JDP2: variants seen among roughly 807,000 people sequenced by gnomAD.
The protein encoded by JDP2 is progesterone receptor co-activator.
Under a neutral mutation model 17.1 loss-of-function variants are expected in JDP2, and 9 were observed. The ratio of observed to expected loss-of-function variants is 0.53; its 90% CI spans 0.32 to 0.92. JDP2 has a LOEUF of 0.92. Among genes scored for constraint, JDP2 ranks in the 40% least tolerant of loss-of-function variants. The pLI, the probability that JDP2 is intolerant of heterozygous loss-of-function variation, is 0.04. For missense variants in JDP2, 179 were observed against 220.0 expected (o/e 0.81, Z 1.18); for synonymous variants, 107 against 95.6 (o/e 1.12, Z -0.69).
chr14:75,442,181 C>A (rs1249638854), intron 2 of JDP2, among the ~76,000 whole-genome samples: 1 of 152,116 alleles, frequency 6.6e-6, no homozygotes, highest in African/African-American at 2.4e-5. Context: ...CTTTTTCTTT[C>A]TTTTTTAACA....
intron 2 of JDP2, among the ~76,000 whole-genome samples, chr14:75,440,121 G>A (rs1043389732): frequency 5.3e-5 from 8 of 152,120 alleles, no homozygotes; most frequent in Non-Finnish European, 8.8e-5. Flanking sequence ...CCCTGTACCC[G>A]ACAGTGACGT....
At chr14:75,429,660 A>G (rs1448556053) in intron 1 of JDP2, among the ~76,000 whole-genome samples, 3 of 152,198 alleles carry the variant, frequency 2.0e-5, no homozygotes, top group Non-Finnish European at 2.9e-5. Context: ...TTAACCAGGT[A>G]TCAGGTGTGA....
intron 2 of JDP2, among the ~76,000 whole-genome samples, chr14:75,460,318 CT>C (rs1256945217): frequency 6.6e-6 from 1 of 152,154 alleles, no homozygotes; most frequent in African/African-American, 2.4e-5. Flanking sequence ...GGTGGGCATC[CT>C]GGGGGAAAGG....
rs1438802776 is a variant in JDP2, at chr14:75,428,756, AC to A, written c.-24+507del. 6.6e-6 allele frequency: 1 copy of A among 152,278 alleles called. No individual in the cohort carries two copies. The highest frequency in any genetic ancestry group is 6.5e-5 in the Admixed American group (1 of 15,272). 9.4% of individuals were successfully genotyped at this position (152,278 alleles called of 1,614,324 possible). A position where few individuals can be genotyped will look rare whatever the true frequency, so the allele number is the denominator to read the frequency against. ...AGTGAGGAAGCGCGACTCCCGGAGG[AC>A]CCGGACCCGGAGGAGAGTATTGAGA... On this transcript the variant is annotated intron_variant, in intron 1 of 3. Transcript: ENST00000651602. The surrounding 1 kb of genome is among the most constrained non-coding windows in gnomAD (Gnocchi z 5.6).
At chr14:75,453,171 T>G (rs1433508532) in intron 2 of JDP2, among the ~76,000 whole-genome samples, 74 of 129,768 alleles carry the variant, frequency 5.7e-4, no homozygotes, top group African/African-American at 8.6e-4. Flanking sequence ...TGATGGGGGG[T>G]GGGGGAGTGG....
At chr14:75,466,556 C>T (rs1159291743) in intron 3 of JDP2, among the ~76,000 whole-genome samples, 2 of 152,212 alleles carry the variant, frequency 1.3e-5, no homozygotes, top group Non-Finnish European at 2.9e-5. Context: ...TGTATGATAG[C>T]TGCATGAGTA....
chr14:75,432,082 C>T (rs566023755), intron 1 of JDP2: 6 of 569,288 alleles, frequency 1.1e-5, no homozygotes, highest in South Asian at 2.2e-5. Flanking sequence ...GCTCCAAAAC[C>T]GCCACTCTTA....
chr14:75,469,903 T>A lies in JDP2; in HGVS notation c.*428T>A, dbSNP rs1040340465. On this transcript the variant is annotated 3_prime_UTR_variant, in exon 4 of 4. Transcript: ENST00000651602. ...ACGCGGCTGAGGATGGAACTCAGAATGAAACTGCAACCCACCTGCCCCCAG... is the reference window on the plus strand; with the variant it reads ...ACGCGGCTGAGGATGGAACTCAGAAAGAAACTGCAACCCACCTGCCCCCAG... 2 of 157,584 alleles carry A rather than the reference T, an allele frequency of 1.3e-5. No homozygotes were observed. Among genetic ancestry groups the A allele is most frequent in the African/African-American group, 4.8e-5 (2 of 41,544 alleles). The allele number at this position is 157,584 out of a possible 1,614,324, so 9.8% of individuals were successfully genotyped here. A position where few individuals can be genotyped will look rare whatever the true frequency, so the allele number is the denominator to read the frequency against.
intron 1 of JDP2, chr14:75,432,407 G>A (rs1481016564): frequency 9.8e-6 from 14 of 1,434,708 alleles, no homozygotes; most frequent in South Asian, 7.4e-5. Context: ...CTCCGCATCC[G>A]GTTCTGTCCT....
Position 75,470,841 on chromosome 14 carries a change from T to C in JDP2, c.*1366T>C, listed in dbSNP as rs1566752635. The C allele has an allele frequency of 1.3e-5, 2 of 152,240 alleles. No homozygotes were observed. Among genetic ancestry groups the C allele is most frequent in the Non-Finnish European group, 2.9e-5 (2 of 68,034 alleles). The allele number at this position is 152,240 out of a possible 1,614,324, so 9.4% of individuals were successfully genotyped here. On this transcript the variant is annotated 3_prime_UTR_variant, in exon 4 of 4. Coordinates refer to ENST00000651602, the MANE Select transcript of JDP2 (RefSeq NM_001135048.2). ...ACAGCACTTGTCCCCAATTCACAGA[T>C]GGCGAATTAGAGGTCCAGGGAATTA...
rs540180886 is a variant in JDP2, at chr14:75,473,814, G to A, written c.*4339G>A. ...GCTACACACACATCTGGGTAATAGA[G>A]GTATAAAAGCCTGCACAAGAATGCT... On this transcript the variant is annotated 3_prime_UTR_variant, in exon 4 of 4. Transcript: ENST00000651602. 89 of 152,314 alleles carry A rather than the reference G, an allele frequency of 5.8e-4. No homozygotes were observed. The highest frequency in any genetic ancestry group is 2.0e-3 in the African/African-American group (83 of 41,548). 9.4% of individuals were successfully genotyped at this position (152,314 alleles called of 1,614,324 possible). A position where few individuals can be genotyped will look rare whatever the true frequency, so the allele number is the denominator to read the frequency against.
intron 2 of JDP2, among the ~76,000 whole-genome samples, chr14:75,441,421 A>G (rs1292338883): frequency 6.6e-6 from 1 of 152,232 alleles, no homozygotes; most frequent in Non-Finnish European, 1.5e-5. Flanking sequence ...TGTTCAAGCC[A>G]TATTTGTTAA....
Position 75,472,954 on chromosome 14 carries a change from T to G in JDP2, c.*3479T>G, listed in dbSNP as rs1434190568. On this transcript the variant is annotated 3_prime_UTR_variant, in exon 4 of 4. Transcript: ENST00000651602. ...TGCCCTCCTGCCAGGTGGTCACACA[T>G]AAGACCTGTGCCACCTCTGCCCAGG... 1 of 152,236 alleles carries G rather than the reference T, an allele frequency of 6.6e-6. No individual in the cohort carries two copies. Among genetic ancestry groups the G allele is most frequent in the Non-Finnish European group, 1.5e-5 (1 of 68,046 alleles). The allele number at this position is 152,236 out of a possible 1,614,324, so 9.4% of individuals were successfully genotyped here.
chr14:75,460,626 G>C (rs941281453), intron 2 of JDP2, among the ~76,000 whole-genome samples: 2 of 152,216 alleles, frequency 1.3e-5, no homozygotes, highest in African/African-American at 4.8e-5. Context: ...GTCACCGCCC[G>C]TTGGGTGCCA....
At chr14:75,466,578 C>T (rs554250386) in intron 3 of JDP2, among the ~76,000 whole-genome samples, 1 of 152,292 alleles carries the variant, frequency 6.6e-6, no homozygotes, top group African/African-American at 2.4e-5. Flanking sequence ...AGCAAGTTAC[C>T]CTACACTGCA....
intron 2 of JDP2, among the ~76,000 whole-genome samples, chr14:75,443,273 T>G (rs1349441889): frequency 1.3e-5 from 2 of 152,216 alleles, no homozygotes; most frequent in East Asian, 3.8e-4. Context: ...CCAGCTGATG[T>G]GCTGGGTAAA....
At chr14:75,434,524 G>A (rs551381855) in intron 1 of JDP2, among the ~76,000 whole-genome samples, 2 of 152,260 alleles carry the variant, frequency 1.3e-5, no homozygotes, top group East Asian at 3.9e-4. Flanking sequence ...ATTCACAGGC[G>A]AGCAGAAATG....
At chr14:75,462,505 A>G (rs1275692698) in intron 3 of JDP2, among the ~76,000 whole-genome samples, 5 of 152,194 alleles carry the variant, frequency 3.3e-5, no homozygotes, top group African/African-American at 1.2e-4. Context: ...GTCTCTTTCT[A>G]CAGATAAGGA....
chr14:75,444,433 C>T (rs1052557973), intron 2 of JDP2, among the ~76,000 whole-genome samples: 2 of 152,224 alleles, frequency 1.3e-5, no homozygotes, highest in African/African-American at 4.8e-5. Context: ...GAGCAGGGCA[C>T]ATCCAGGCTT....
Sources: allele counts gnomAD v4.1 joint callset (sites outside exome capture counted in the v4.1 genomes callset), GRCh38; gene constraint gnomAD v4.1.1; non-coding constraint Gnocchi (gnomAD v3.1); transcripts MANE v1.5; gene names NCBI Gene and HGNC (gene_info 2026-07-23, HGNC 2026-07-21).